Variants in ATRNL1 observed in about 807,000 individuals in gnomAD.
The protein encoded by ATRNL1 is attractin like 1.
In ATRNL1, 95 loss-of-function variants were observed where a neutral mutation model predicts 182.7. The ratio of observed to expected loss-of-function variants is 0.52; its 90% CI spans 0.44 to 0.62. The LOEUF (loss-of-function observed/expected upper bound fraction) is 0.62. ATRNL1 is among the 20% of genes least tolerant of loss of function. The pLI is 0.00. For missense variants in ATRNL1, 1,471 were observed against 1,679.5 expected, an observed-to-expected ratio of 0.88 and a Z score of 2.17; for synonymous variants, 576 against 568.3, an observed-to-expected ratio of 1.01 and a Z score of -0.19.
intron 17 of ATRNL1, among the ~76,000 whole-genome samples, chr10:115,305,480 T>C (rs115715095): frequency 0.012 from 1,784 of 152,196 alleles, 34 homozygotes; most frequent in African/African-American, 0.04. Context: ...ATCAAGTGGG[T>C]GGCAGTGTGG....
In ATRNL1 at chr10:115,793,736, A is replaced by C. The variant is rs188781554; in HGVS notation, c.3904-54141A>C. The stretch of plus-strand genomic sequence containing the variant: ...TACCATCACACCTTGGACCAATAGA[A>C]ACTGAATTAAGTTTTAAAACTACGA... On this transcript the variant is annotated intron_variant, in intron 27 of 28. Transcript: ENST00000355044. Among the ~76,000 whole-genome samples, 246 of 152,270 alleles carry C rather than the reference A, an allele frequency of 1.6e-3. 4 individuals carry two copies. The highest frequency in any genetic ancestry group is 5.8e-3 in the African/African-American group (240 of 41,578).
At chr10:115,917,320 AT>A (rs1555117576) in intron 28 of ATRNL1, among the ~76,000 whole-genome samples, 5 of 152,038 alleles carry the variant, frequency 3.3e-5, no homozygotes, top group Non-Finnish European at 7.4e-5. Context: ...AATACAAAAA[AT>A]TAGCCGGGCA....
intron 28 of ATRNL1, among the ~76,000 whole-genome samples, chr10:115,872,967 A>T (rs896239391): frequency 3.9e-5 from 6 of 152,200 alleles, no homozygotes; most frequent in Non-Finnish European, 7.4e-5. Context: ...AGCTGAACAC[A>T]CTATTTATTG....
At chr10:115,615,050 T>C (rs1475114189) in intron 26 of ATRNL1, among the ~76,000 whole-genome samples, 1 of 152,110 alleles carries the variant, frequency 6.6e-6, no homozygotes, top group Non-Finnish European at 1.5e-5. Flanking sequence ...TATTGAAACA[T>C]ATTCCTGTCA....
intron 27 of ATRNL1, among the ~76,000 whole-genome samples, chr10:115,793,090 A>T (rs191278499): frequency 6.6e-6 from 1 of 152,152 alleles, no homozygotes; most frequent in East Asian, 1.9e-4. Context: ...TCACTACCAC[A>T]AAATAATAAT....
At chr10:115,606,956 G>A (rs1338892435) in intron 26 of ATRNL1, among the ~76,000 whole-genome samples, 1 of 151,954 alleles carries the variant, frequency 6.6e-6, no homozygotes, top group Non-Finnish European at 1.5e-5. Context: ...GTTTGTTACA[G>A]TTCAGTGATG....
At chr10:115,557,924 A>G (rs782515911) in intron 26 of ATRNL1, among the ~76,000 whole-genome samples, 2 of 152,048 alleles carry the variant, frequency 1.3e-5, no homozygotes, top group Non-Finnish European at 2.9e-5. Flanking sequence ...GCACGCCTGT[A>G]GTCCCAAGTA....
intron 27 of ATRNL1, among the ~76,000 whole-genome samples, chr10:115,839,222 C>A (rs2420125): frequency 3.3e-5 from 5 of 151,956 alleles, no homozygotes; most frequent in Non-Finnish European, 7.4e-5. Context: ...AAAGGGACAC[C>A]GCAAGTTTCT....
At chr10:115,132,811 T>A (rs1331078265) in intron 5 of ATRNL1, among the ~76,000 whole-genome samples, 1 of 152,176 alleles carries the variant, frequency 6.6e-6, no homozygotes. Context: ...GTTGGAGTTC[T>A]TTGTAGATTC....
At chr10:115,238,618 GT>G (rs1189162096) in intron 9 of ATRNL1, among the ~76,000 whole-genome samples, 1 of 151,916 alleles carries the variant, frequency 6.6e-6, no homozygotes, top group Non-Finnish European at 1.5e-5. Flanking sequence ...GTTCTAGAGG[GT>G]TTTTTTGGTT....
intron 27 of ATRNL1, among the ~76,000 whole-genome samples, chr10:115,834,731 C>T (rs1209801128): frequency 2.0e-5 from 3 of 152,070 alleles, no homozygotes; most frequent in Admixed American, 6.5e-5. Context: ...TCACCTCACA[C>T]CTTCCCCTAC....
intron 5 of ATRNL1, among the ~76,000 whole-genome samples, chr10:115,154,929 G>A (rs1486655067): frequency 2.6e-5 from 4 of 152,074 alleles, no homozygotes; most frequent in Non-Finnish European, 5.9e-5. Context: ...CCCTTTAAAT[G>A]TATTAATTTC....
intron 25 of ATRNL1, among the ~76,000 whole-genome samples, chr10:115,522,250 T>C (rs928944401): frequency 1.6e-4 from 25 of 152,182 alleles, no homozygotes; most frequent in Admixed American, 1.6e-3. Flanking sequence ...TTGTGCTGGC[T>C]GTACAAGAAG....
chr10:115,829,948 G>A (rs918399232), intron 27 of ATRNL1, among the ~76,000 whole-genome samples: 16 of 152,156 alleles, frequency 1.1e-4, no homozygotes, highest in Non-Finnish European at 1.3e-4. Context: ...TGTGTGCAGT[G>A]CAAAACACTT....
chr10:115,594,223 A>G (rs1187651423), intron 26 of ATRNL1, among the ~76,000 whole-genome samples: 1 of 152,122 alleles, frequency 6.6e-6, no homozygotes, highest in Admixed American at 6.5e-5. Context: ...TAATCTATAC[A>G]TATATATGCA....
At chr10:115,321,778 A>G (rs1441798158) in intron 18 of ATRNL1, among the ~76,000 whole-genome samples, 4 of 152,026 alleles carry the variant, frequency 2.6e-5, no homozygotes, top group African/African-American at 9.7e-5. Flanking sequence ...AATTAGGCAA[A>G]AGCAAGAAAT....
At chr10:115,374,402 G>T (rs1319595171) in intron 19 of ATRNL1, among the ~76,000 whole-genome samples, 1 of 149,556 alleles carries the variant, frequency 6.7e-6, no homozygotes, top group East Asian at 2.0e-4. Flanking sequence ...TGCTCACTTT[G>T]GACTCAACTT....
intron 10 of ATRNL1, among the ~76,000 whole-genome samples, chr10:115,248,363 G>A (rs1850733876): frequency 6.6e-6 from 1 of 151,912 alleles, no homozygotes; most frequent in South Asian, 2.1e-4. Context: ...GGGGGAAGAA[G>A]GCAGGACAAA....
intron 27 of ATRNL1, among the ~76,000 whole-genome samples, chr10:115,801,012 C>T (rs530381777): frequency 1.3e-5 from 2 of 152,212 alleles, no homozygotes; most frequent in Admixed American, 1.3e-4. Context: ...GAAACAGGTT[C>T]ACATCCCCAT....
Sources: allele counts gnomAD v4.1 joint callset (sites outside exome capture counted in the v4.1 genomes callset), GRCh38; gene constraint gnomAD v4.1.1; transcripts MANE v1.5; gene names NCBI Gene and HGNC (gene_info 2026-07-23, HGNC 2026-07-21).